Variants in TERT observed in about 807,000 individuals in gnomAD.
The protein encoded by TERT is telomerase catalytic subunit.
In TERT, 42 loss-of-function variants were observed where a neutral mutation model predicts 104.0. That is an observed-to-expected ratio of 0.40 (90% CI 0.32 to 0.52). The LOEUF (loss-of-function observed/expected upper bound fraction) is 0.52. TERT is among the 20% of genes least tolerant of loss of function. The pLI is 0.43. For missense variants in TERT, 1,101 were observed against 1,610.3 expected (o/e 0.68, Z 5.41); for synonymous variants, 781 against 725.6 (o/e 1.08, Z -1.23).
intron 13 of TERT, among the ~76,000 whole-genome samples, chr5:1,258,313 C>T (rs1468184862): frequency 6.6e-6 from 1 of 152,262 alleles, no homozygotes; most frequent in Non-Finnish European, 1.5e-5. Flanking sequence ...TACCCCATGC[C>T]CCTGCTGCCC....
Position 1,266,159 on chromosome 5 carries a change from C to T in TERT, c.2654+305G>A, listed in dbSNP as rs1168892123. Among the ~76,000 whole-genome samples, 3 of 152,178 alleles carry T rather than the reference C, an allele frequency of 2.0e-5. No individual in the cohort carries two copies. The East Asian group carries it at 5.8e-4, about 29-fold the overall frequency. ...GGGGGTCTCACTGGGGCCCCAGGAG[C>T]CGCCACTCTTGACTTTCCAAAGAGC... On this transcript the variant is annotated intron_variant, in intron 10 of 15. Transcript: ENST00000310581.
rs760179727 is a variant in TERT at position 1,260,477 on chromosome 5, CA to C, written c.2966del (p.Leu989CysfsTer3). ...RLKCHSLFLD[L>X]QVNSLQTVCT... ...TGCTGACCATCAGCCTGCTCACCTGCAAATCCAGAAACAGGCTGTGACACTT... is the reference window on the plus strand; with the variant it reads ...TGCTGACCATCAGCCTGCTCACCTGCAATCCAGAAACAGGCTGTGACACTT... On this transcript the variant is annotated frameshift_variant, in exon 12 of 16. Coordinates refer to ENST00000310581, the MANE Select transcript of TERT (RefSeq NM_198253.3). LOFTEE classifies it high-confidence loss of function. 6.2e-7 allele frequency: 1 copy of C among 1,613,952 alleles called. No individual in the cohort carries two copies. The highest frequency in any genetic ancestry group is 1.3e-5 in the African/African-American group (1 of 74,938).
At position 1,266,026 on chromosome 5, in the gene TERT, C is replaced by T. The variant is rs34823760; in HGVS notation, c.2654+438G>A. Among the ~76,000 whole-genome samples the T allele has an allele frequency of 5.4e-3, 829 of 152,318 alleles. 6 individuals carry two copies. Among genetic ancestry groups the T allele is most frequent in the African/African-American group, 0.019 (782 of 41,588 alleles). Reference sequence around the variant, plus strand: ...ACCCCACGCAGGAACGTGACCGCAGCGAACGCTGTGGGCCAGCTCACTCAG... The same window carrying T: ...ACCCCACGCAGGAACGTGACCGCAGTGAACGCTGTGGGCCAGCTCACTCAG... On this transcript the variant is annotated intron_variant, in intron 10 of 15. Transcript: ENST00000310581.
intron 2 of TERT, among the ~76,000 whole-genome samples, chr5:1,284,574 C>G (rs71593396): frequency 6.8e-6 from 1 of 146,046 alleles, no homozygotes; most frequent in Admixed American, 6.8e-5. Context: ...GCGACCTCAC[C>G]CCGGACCTGC....
Position 1,286,115 on chromosome 5 carries a change from G to C in TERT, c.1574-3491C>G, listed in dbSNP as rs763119385. On this transcript the variant is annotated intron_variant, in intron 2 of 15. Coordinates refer to ENST00000310581, the MANE Select transcript of TERT (RefSeq NM_198253.3). This position sits in a 1 kb window ranked among gnomAD's most constrained non-coding sequence, Gnocchi z 5.3. Reference sequence around the variant, plus strand: ...GAACCCAGGCCGAGCGGACGTTGCTGTCACTCACTGGCTAAGGAACGCTGG... The same window carrying C: ...GAACCCAGGCCGAGCGGACGTTGCTCTCACTCACTGGCTAAGGAACGCTGG... Among the ~76,000 whole-genome samples the C allele has an allele frequency of 6.6e-6, 1 of 152,170 alleles. No homozygotes were observed. The highest frequency in any genetic ancestry group is 1.5e-5 in the Non-Finnish European group (1 of 68,032).
chr5:1,291,980 G>T (rs941278300), intron 2 of TERT, among the ~76,000 whole-genome samples: 77 of 152,334 alleles, frequency 5.1e-4, no homozygotes, highest in Non-Finnish European at 8.8e-4. Flanking sequence ...GCTGCCGTTC[G>T]ATGGGTAGGG....
intron 3 of TERT, among the ~76,000 whole-genome samples, chr5:1,281,475 G>A (rs1412691127): frequency 6.6e-6 from 1 of 152,232 alleles, no homozygotes; most frequent in Non-Finnish European, 1.5e-5. Flanking sequence ...GTCAGCCTGG[G>A]CGGGACACGG....
At chr5:1,279,596 A>T in intron 4 of TERT, 126 bp from the exon 5 acceptor site, 1 of 934,910 alleles carries the variant, frequency 1.1e-6, no homozygotes, top group Admixed American at 2.0e-5. Flanking sequence ...CGGGACCTAG[A>T]ACCCCTCCCA....
rs755275006 is a variant in TERT, at chr5:1,293,973, C to A, written c.913G>T (p.Ala305Ser). ...SHPSVGRQHHAGPPSTSRPPR... is the reference protein window; with the variant it reads ...SHPSVGRQHHSGPPSTSRPPR... ...GGCCGCGATGTGGATGGGGGGCCCG[C>A]GTGGTGCTGGCGGCCCACGGATGGG... Residue 305 changes from alanine (A) to serine (S), a missense_variant, in exon 2 of 16, where the codon GCG becomes TCG. Physicochemically the swap from Ala to Ser is moderately conservative, Grantham distance 99. Coordinates refer to ENST00000310581, the MANE Select transcript of TERT (RefSeq NM_198253.3). 4 of 1,561,754 alleles carry A rather than the reference C, an allele frequency of 2.6e-6. No individual in the cohort carries two copies. The Admixed American group carries it at 5.6e-5, about 22-fold the overall frequency.
Position 1,265,651 on chromosome 5 carries a change from G to T in TERT, c.2654+813C>A, listed in dbSNP as rs1373799383. On this transcript the variant is annotated intron_variant, in intron 10 of 15. Coordinates refer to ENST00000310581, the MANE Select transcript of TERT (RefSeq NM_198253.3). The surrounding 1 kb of genome is among the most constrained non-coding windows in gnomAD (Gnocchi z 6.9). ...ACCCCCAGCCCAGGGCGGCCCTGGA[G>T]GGTGGACCTGGAGGGTGGACTTGGA... Among the ~76,000 whole-genome samples the T allele has an allele frequency of 6.7e-6, 1 of 149,984 alleles. No individual in the cohort carries two copies. Among genetic ancestry groups the T allele is most frequent in the Non-Finnish European group, 1.5e-5 (1 of 68,010 alleles).
In TERT at chr5:1,267,966, T is replaced by C. The variant is rs138935674; in HGVS notation, c.2582+554A>G. Among the ~76,000 whole-genome samples the C allele has an allele frequency of 9.3e-3, 1,416 of 151,902 alleles. 21 individuals carry two copies. The highest frequency in any genetic ancestry group is 0.033 in the African/African-American group (1,367 of 41,332). ...ACCTGCACGTCGTGCACATGTACCCTAGAACTTAAAGTATTAAAAAAAAAA... is the reference window on the plus strand; with the variant it reads ...ACCTGCACGTCGTGCACATGTACCCCAGAACTTAAAGTATTAAAAAAAAAA... On this transcript the variant is annotated intron_variant, in intron 9 of 15. Coordinates refer to ENST00000310581, the MANE Select transcript of TERT (RefSeq NM_198253.3).
rs202108457 is a variant in TERT, at chr5:1,282,413, C to T, written c.1769+16G>A. On this transcript the variant is annotated intron_variant, in intron 3 of 15. Transcript: ENST00000310581. ...AGGACTTCGAGAAGCAGAGGCCTGG[C>T]GTGGGGATACAGTACCTGATTCCAA... The T allele has an allele frequency of 6.0e-5, 97 of 1,613,254 alleles. No individual in the cohort carries two copies. Among genetic ancestry groups the T allele is most frequent in the Non-Finnish European group, 7.5e-5 (88 of 1,179,354 alleles).
chr5:1,281,420 A>G (rs1271276323), intron 3 of TERT, among the ~76,000 whole-genome samples: 3 of 152,218 alleles, frequency 2.0e-5, no homozygotes, highest in African/African-American at 7.2e-5. Context: ...TCGAGTGTGC[A>G]GGGGAGCTGG....
At chr5:1,294,711 T>C (rs761456076) in intron 1 of TERT, 45 bp from the exon 2 acceptor site, 1 of 1,577,586 alleles carries the variant, frequency 6.3e-7, no homozygotes, top group Admixed American at 1.7e-5. Flanking sequence ...TCTCCGCATG[T>C]CGCTGGTTCC....
intron 6 of TERT, among the ~76,000 whole-genome samples, chr5:1,277,640 C>T (rs1015272183): frequency 5.5e-5 from 8 of 146,182 alleles, no homozygotes; most frequent in Non-Finnish European, 9.0e-5. Context: ...TGACTTTCTA[C>T]ACCCGGGCAC....
intron 6 of TERT, among the ~76,000 whole-genome samples, chr5:1,272,619 CCA>C (rs1749154481): frequency 2.1e-4 from 7 of 32,736 alleles, no homozygotes; most frequent in African/African-American, 9.2e-4. Flanking sequence ...ACATCAGACC[CCA>C]CGACCGCCAT....
chr5:1,279,230 C>T, intron 5 of TERT, 61 bp downstream of exon 5: 2 of 1,523,174 alleles, frequency 1.3e-6, no homozygotes, highest in African/African-American at 1.4e-5. Context: ...ACATGAGGTG[C>T]CAATCAGGCA....
intron 2 of TERT, among the ~76,000 whole-genome samples, chr5:1,291,476 C>T (rs145288087): frequency 0.17 from 3,078 of 18,450 alleles, 734 homozygotes; most frequent in South Asian, 0.38. Flanking sequence ...CACCCGGGGA[C>T]GGCGCCTCAC....
intron 6 of TERT, among the ~76,000 whole-genome samples, chr5:1,277,024 C>T (rs1749645494): frequency 6.6e-6 from 1 of 152,252 alleles, no homozygotes. Context: ...TGATGGCAGG[C>T]AGGCGCCCCA....
Sources: gnomAD v4.1 joint callset for allele counts (sites outside exome capture counted in the v4.1 genomes callset) on GRCh38, gnomAD v4.1.1 for gene constraint, Gnocchi (gnomAD v3.1) non-coding constraint, MANE v1.5 for transcripts, NCBI Gene and HGNC (gene_info 2026-07-23, HGNC 2026-07-21) for gene names.